The following TYW1B variants were observed in gnomAD, a reference collection of about 807,000 sequenced individuals.
The protein encoded by TYW1B is tRNA-yW synthesizing protein 1 homolog B.
A neutral mutation model predicts 86.9 loss-of-function variants in TYW1B; 73 were observed. The ratio of observed to expected loss-of-function variants is 0.84; its 90% CI spans 0.70 to 1.02. The LOEUF is 1.02. TYW1B is among the 50% of genes least tolerant of loss of function. TYW1B has a pLI of 0.00. For missense variants in TYW1B, 637 were observed against 827.4 expected (o/e 0.77, Z 2.82); for synonymous variants, 248 against 292.8 (o/e 0.85, Z 1.56).
At chr7:72,602,863 C>CACACAT (rs1331923665) in intron 13 of TYW1B, among the ~76,000 whole-genome samples, 3 of 151,426 alleles carry the variant, frequency 2.0e-5, no homozygotes, top group Non-Finnish European at 4.4e-5. Context: ...CACACACACA[C>CACACAT]ACACACACAC....
intron 13 of TYW1B, 76 bp downstream of exon 13, chr7:72,616,596 G>A (rs1812077891): frequency 1.2e-6 from 2 of 1,609,870 alleles, no homozygotes; most frequent in Non-Finnish European, 1.7e-6. Context: ...CAACGTAAGA[G>A]GAAAATAAAG....
Position 72,686,466 on chromosome 7 carries a change from C to T in TYW1B, c.1506+8221G>A, listed in dbSNP as rs568435603. Among the ~76,000 whole-genome samples the T allele has an allele frequency of 5.3e-5, 8 of 152,212 alleles. No individual in the cohort carries two copies. The South Asian group carries it at 8.3e-4, about 16-fold the overall frequency. On this transcript the variant is annotated intron_variant, in intron 11 of 13. Coordinates refer to ENST00000620995, the MANE Select transcript of TYW1B (RefSeq NM_001145440.3). ...GAAGCAAATCTGAAAAGGCTACATA[C>T]GGTATGATTCCAACTATATGACATT...
At chr7:72,776,632 A>G (rs1787960375) in intron 7 of TYW1B, among the ~76,000 whole-genome samples, 1 of 145,132 alleles carries the variant, frequency 6.9e-6, no homozygotes, top group Non-Finnish European at 1.5e-5. Context: ...TATTGCTAGT[A>G]AGCAAACAAA....
chr7:72,810,959 A>T (rs1554478075), intron 3 of TYW1B, among the ~76,000 whole-genome samples: 1 of 152,026 alleles, frequency 6.6e-6, no homozygotes, highest in Non-Finnish European at 1.5e-5. Context: ...CACAGTGGAA[A>T]CAAAATCCAA....
chr7:72,734,268 A>AAAAAAAAAAAAAAAAAAC lies in TYW1B; in HGVS notation c.1083-5338_1083-5337insGTTTTTTTTTTTTTTTTT, dbSNP rs56806378. On this transcript the variant is annotated intron_variant, in intron 8 of 13. Transcript: ENST00000620995. ...TTAAAACTCCATCTCAAAAAAAAAA[A>AAAAAAAAAAAAAAAAAAC]ACACAACAAAAAAACTATAAACCTA... is the stretch of plus-strand genomic sequence containing the variant. Among the ~76,000 whole-genome samples the AAAAAAAAAAAAAAAAAAC allele has an allele frequency of 3.2e-3, 315 of 97,990 alleles. 27 individuals are homozygous for AAAAAAAAAAAAAAAAAAC. Among genetic ancestry groups the AAAAAAAAAAAAAAAAAAC allele is most frequent in the African/African-American group, 4.1e-3 (115 of 28,224 alleles). The allele number at this position is 97,990 out of a possible 152,430, so 64.3% of individuals were successfully genotyped here.
At chr7:72,811,103 T>C (rs868940858) in intron 3 of TYW1B, among the ~76,000 whole-genome samples, 74 of 151,080 alleles carry the variant, frequency 4.9e-4, no homozygotes, top group Middle Eastern at 3.4e-3. Flanking sequence ...AACCCGGTCT[T>C]TACTAAAAAT....
chr7:72,648,697 T>C (rs1585874763), intron 11 of TYW1B, among the ~76,000 whole-genome samples: 1 of 152,176 alleles, frequency 6.6e-6, no homozygotes, highest in Admixed American at 6.6e-5. Flanking sequence ...AGTCATGTAC[T>C]CTACAGGTTA....
At chr7:72,665,540 T>C (rs1813441727) in intron 11 of TYW1B, among the ~76,000 whole-genome samples, 1 of 152,232 alleles carries the variant, frequency 6.6e-6, no homozygotes, top group African/African-American at 2.4e-5. Flanking sequence ...TGAATATTGT[T>C]ATATAATATT....
chr7:72,611,665 T>C (rs1811936303), intron 13 of TYW1B, among the ~76,000 whole-genome samples: 1 of 152,158 alleles, frequency 6.6e-6, no homozygotes. Context: ...AACGGACAAA[T>C]ACAGGGACCA....
At chr7:72,662,748 T>G (rs1813364982) in intron 11 of TYW1B, among the ~76,000 whole-genome samples, 1 of 152,196 alleles carries the variant, frequency 6.6e-6, no homozygotes, top group Admixed American at 6.5e-5. Flanking sequence ...CCTATGAAAG[T>G]GGCAAATGAG....
chr7:72,794,271 C>T (rs1264623391), intron 6 of TYW1B, among the ~76,000 whole-genome samples: 1 of 152,032 alleles, frequency 6.6e-6, no homozygotes, highest in South Asian at 2.1e-4. Context: ...CAGTATACTT[C>T]TTGGCCAGGT....
intron 13 of TYW1B, among the ~76,000 whole-genome samples, chr7:72,601,669 GTTTT>G (rs1811670563): frequency 7.0e-6 from 1 of 143,780 alleles, no homozygotes; most frequent in Non-Finnish European, 1.5e-5. Flanking sequence ...CACAATGGGA[GTTTT>G]ATTTGCCAAT....
At chr7:72,676,867 A>T (rs1456174176) in intron 11 of TYW1B, among the ~76,000 whole-genome samples, 1 of 152,124 alleles carries the variant, frequency 6.6e-6, no homozygotes, top group African/African-American at 2.4e-5. Flanking sequence ...CTGAGGTGGG[A>T]GGATCGCTTG....
chr7:72,687,635 T>G (rs1451453524), intron 11 of TYW1B, among the ~76,000 whole-genome samples: 1 of 152,114 alleles, frequency 6.6e-6, no homozygotes, highest in Non-Finnish European at 1.5e-5. Context: ...GCATAAACAA[T>G]CGTTTCATTT....
Position 72,641,173 on chromosome 7 carries a change from A to G in TYW1B, c.1507-12176T>C, listed in dbSNP as rs186618243. ...TGGATAACCTAAATTAAATGGACAA[A>G]TTCTTAGAAATATGTAAATTACCAA... is the stretch of plus-strand genomic sequence containing the variant. On this transcript the variant is annotated intron_variant, in intron 11 of 13. Coordinates refer to ENST00000620995, the MANE Select transcript of TYW1B (RefSeq NM_001145440.3). 1.6e-3 allele frequency among the ~76,000 whole-genome samples: 242 copies of G among 152,192 alleles called. 1 individual carries two copies. The highest frequency in any genetic ancestry group is 5.5e-3 in the African/African-American group (228 of 41,574).
chr7:72,805,203 A>G (rs747258185), intron 5 of TYW1B, among the ~76,000 whole-genome samples: 1 of 52,438 alleles, frequency 1.9e-5, no homozygotes, highest in Non-Finnish European at 5.2e-5. Flanking sequence ...AGGAATACGA[A>G]AAGGAGCCAT....
At chr7:72,578,937 AC>A (rs141055984) in intron 13 of TYW1B, among the ~76,000 whole-genome samples, 1 of 151,816 alleles carries the variant, frequency 6.6e-6, no homozygotes, top group East Asian at 1.9e-4. Flanking sequence ...CTGAAGTCTG[AC>A]CCCTCTGGTT....
chr7:72,742,719 C>G (rs1554462722), intron 8 of TYW1B, among the ~76,000 whole-genome samples: 1 of 151,820 alleles, frequency 6.6e-6, no homozygotes, highest in Non-Finnish European at 1.5e-5. Context: ...TATTTGTAAT[C>G]CCCAATAATC....
intron 13 of TYW1B, among the ~76,000 whole-genome samples, chr7:72,597,235 A>G (rs1447466715): frequency 6.6e-6 from 1 of 151,852 alleles, no homozygotes; most frequent in Non-Finnish European, 1.5e-5. Flanking sequence ...ATAAGAAATC[A>G]TGATGGAAAT....
Sources: gnomAD v4.1 joint callset for allele counts (sites outside exome capture counted in the v4.1 genomes callset) on GRCh38, gnomAD v4.1.1 for gene constraint, MANE v1.5 for transcripts, NCBI Gene and HGNC (gene_info 2026-07-23, HGNC 2026-07-21) for gene names.